The following RBPMS variants were observed in gnomAD, a reference collection of about 807,000 sequenced individuals.
RBPMS encodes RNA binding protein, mRNA processing factor.
Under a neutral mutation model 26.8 loss-of-function variants are expected in RBPMS, and 7 were observed. That is an observed-to-expected ratio of 0.26 (90% CI 0.15 to 0.49). The LOEUF (loss-of-function observed/expected upper bound fraction) is 0.49. RBPMS is among the 20% of genes least tolerant of loss of function. The pLI is 0.98. For synonymous variants in RBPMS, 96 were observed against 93.3 expected, an observed-to-expected ratio of 1.03 and a Z score of -0.17; for missense variants, 186 against 250.0, an observed-to-expected ratio of 0.74 and a Z score of 1.73.
chr8:30,546,833 T>C (rs1825902888), intron 6 of RBPMS, among the ~76,000 whole-genome samples: 1 of 152,226 alleles, frequency 6.6e-6, no homozygotes, highest in Non-Finnish European at 1.5e-5. Flanking sequence ...TGACCCATTT[T>C]ACAGATGAGG....
chr8:30,437,210 C>T (rs917610989), intron 1 of RBPMS, among the ~76,000 whole-genome samples: 12 of 151,516 alleles, frequency 7.9e-5, no homozygotes, highest in Admixed American at 2.6e-4. Flanking sequence ...CGTGAGCCAC[C>T]GCGCCCAGCC....
chr8:30,517,812 G>A (rs1028325601), intron 5 of RBPMS, among the ~76,000 whole-genome samples: 3 of 152,186 alleles, frequency 2.0e-5, no homozygotes, highest in African/African-American at 4.8e-5. Context: ...GTGGTCTTCC[G>A]CTTTTAGCTG....
rs58763494 is a variant in RBPMS, at chr8:30,518,687, C to CTTTTTTTTTTTTTTTTT, written c.397+14263_397+14279dup. ...CAGTGATCCGCCCGGCCAAGCATGA[C>CTTTTTTTTTTTTTTTTT]TTTTTTTTTTTTTTTTTTTTTTTTT... On this transcript the variant is annotated intron_variant, in intron 5 of 8. Coordinates refer to ENST00000397323, the MANE Select transcript of RBPMS (RefSeq NM_001008710.3). 4.9e-3 allele frequency among the ~76,000 whole-genome samples: 90 copies of CTTTTTTTTTTTTTTTTT among 18,240 alleles called. 36 individuals are homozygous for CTTTTTTTTTTTTTTTTT. Among genetic ancestry groups the CTTTTTTTTTTTTTTTTT allele is most frequent in the South Asian group, 0.011 (2 of 184 alleles). The allele number at this position is 18,240 out of a possible 152,430, so 12.0% of individuals were successfully genotyped here. A position where few individuals can be genotyped will look rare whatever the true frequency, so the allele number is the denominator to read the frequency against.
chr8:30,511,131 A>G (rs912666724), intron 5 of RBPMS, among the ~76,000 whole-genome samples: 24 of 151,566 alleles, frequency 1.6e-4, no homozygotes, highest in Non-Finnish European at 7.4e-5. Flanking sequence ...CCTGGCCAAC[A>G]TGGTGAAACC....
intron 5 of RBPMS, among the ~76,000 whole-genome samples, chr8:30,539,608 T>TA (rs1027876742): frequency 1.2e-4 from 18 of 151,606 alleles, no homozygotes; most frequent in Non-Finnish European, 2.4e-4. Context: ...TTTTTTTTTT[T>TA]AATCTTTTTT....
intron 1 of RBPMS, among the ~76,000 whole-genome samples, chr8:30,389,750 C>G (rs1807562270): frequency 6.6e-6 from 1 of 152,058 alleles, no homozygotes; most frequent in African/African-American, 2.4e-5. Flanking sequence ...TGTGCAACCA[C>G]TAAAGGCTCC....
chr8:30,426,216 G>T (rs981117911), intron 1 of RBPMS, among the ~76,000 whole-genome samples: 2 of 152,164 alleles, frequency 1.3e-5, no homozygotes, highest in Non-Finnish European at 2.9e-5. Context: ...TGTAAATAAG[G>T]TTTCTTGTCT....
intron 1 of RBPMS, among the ~76,000 whole-genome samples, chr8:30,464,215 A>T (rs568832499): frequency 6.6e-6 from 1 of 152,094 alleles, no homozygotes; most frequent in Non-Finnish European, 1.5e-5. Context: ...CCTCTCTTTT[A>T]TATCTGGTTT....
chr8:30,438,274 T>G (rs1812694964), intron 1 of RBPMS, among the ~76,000 whole-genome samples: 1 of 152,208 alleles, frequency 6.6e-6, no homozygotes, highest in Non-Finnish European at 1.5e-5. Flanking sequence ...TTACTTTCCA[T>G]GTTTTAGGTT....
At chr8:30,439,413 T>A (rs894066310) in intron 1 of RBPMS, among the ~76,000 whole-genome samples, 1 of 152,194 alleles carries the variant, frequency 6.6e-6, no homozygotes, top group African/African-American at 2.4e-5. Context: ...AAGCAAAATA[T>A]TTTCCTTTGA....
intron 5 of RBPMS, among the ~76,000 whole-genome samples, chr8:30,538,058 T>C (rs2151028577): frequency 6.6e-6 from 1 of 152,262 alleles, no homozygotes; most frequent in Non-Finnish European, 1.5e-5. Context: ...TCATCCTAAA[T>C]AGAATTAGTA....
At position 30,438,022 on chromosome 8, in the gene RBPMS, C is replaced by A. The variant is rs528607779; in HGVS notation, c.67-36757C>A. ...AAATGATTTATCTATTTTGCAAGTT[C>A]ATCTTAGAGCACAATTATAGCTATT... On this transcript the variant is annotated intron_variant, in intron 1 of 8. Transcript: ENST00000397323. Among the ~76,000 whole-genome samples the A allele has an allele frequency of 1.7e-3, 255 of 152,182 alleles. 1 individual carries two copies. Among genetic ancestry groups the A allele is most frequent in the Middle Eastern group, 3.4e-3 (1 of 294 alleles).
intron 1 of RBPMS, among the ~76,000 whole-genome samples, chr8:30,431,860 C>G (rs1433406645): frequency 6.6e-6 from 1 of 152,020 alleles, no homozygotes; most frequent in Non-Finnish European, 1.5e-5. Flanking sequence ...GTGGCTCACA[C>G]CTATAATCCC....
chr8:30,388,439 T>C (rs1490106128), intron 1 of RBPMS, among the ~76,000 whole-genome samples: 1 of 143,958 alleles, frequency 6.9e-6, no homozygotes, highest in Non-Finnish European at 1.5e-5. Flanking sequence ...ACTTATAACT[T>C]ATAGCTATAG....
At chr8:30,562,013 T>TAGATCCGAATA (rs1359485194) in intron 7 of RBPMS, 1 of 985,364 alleles carries the variant, frequency 1.0e-6, no homozygotes, top group Non-Finnish European at 1.2e-6. Flanking sequence ...ATAGAAGCCC[T>TAGATCCGAATA]AGATCCGAAT....
At chr8:30,483,118 A>G (rs1818446278) in intron 4 of RBPMS, among the ~76,000 whole-genome samples, 1 of 152,212 alleles carries the variant, frequency 6.6e-6, no homozygotes, top group South Asian at 2.1e-4. Context: ...ATAAATAAGA[A>G]TGATTTGTAG....
intron 7 of RBPMS, among the ~76,000 whole-genome samples, chr8:30,562,632 A>G (rs1827594048): frequency 6.6e-6 from 1 of 152,194 alleles, no homozygotes; most frequent in South Asian, 2.1e-4. Context: ...TTAGAATTGG[A>G]AACAGTGGTG....
At chr8:30,419,092 T>C (rs941674038) in intron 1 of RBPMS, among the ~76,000 whole-genome samples, 1 of 146,196 alleles carries the variant, frequency 6.8e-6, no homozygotes, top group African/African-American at 2.6e-5. Flanking sequence ...ACAGAACTAA[T>C]AAACTTCAGT....
chr8:30,484,447 T>C (rs1818583296), intron 4 of RBPMS, among the ~76,000 whole-genome samples: 1 of 152,182 alleles, frequency 6.6e-6, no homozygotes, highest in African/African-American at 2.4e-5. Flanking sequence ...ATTACTCTTT[T>C]AATAAGACAG....
Sources: gnomAD v4.1 joint callset for allele counts (sites outside exome capture counted in the v4.1 genomes callset) on GRCh38, gnomAD v4.1.1 for gene constraint, MANE v1.5 for transcripts, NCBI Gene and HGNC (gene_info 2026-07-23, HGNC 2026-07-21) for gene names.